Variants in DENND1B observed in about 807,000 individuals in gnomAD.
DENND1B encodes DENN domain containing 1B, also known as DENN domain-containing protein 1B.
A neutral mutation model predicts 90.1 loss-of-function variants in DENND1B; 59 were observed. The ratio of observed to expected loss-of-function variants is 0.65; its 90% CI spans 0.53 to 0.81. DENND1B has a LOEUF of 0.81. DENND1B is among the 40% of genes least tolerant of loss of function. The pLI is 0.00. For missense variants in DENND1B, 862 were observed against 912.6 expected, an observed-to-expected ratio of 0.94 and a Z score of 0.71; for synonymous variants, 337 against 324.6, an observed-to-expected ratio of 1.04 and a Z score of -0.41.
intron 2 of DENND1B, among the ~76,000 whole-genome samples, chr1:197,755,940 A>T (rs1654224368): frequency 6.6e-6 from 1 of 152,246 alleles, no homozygotes; most frequent in Non-Finnish European, 1.5e-5. Context: ...TTATGGGAGC[A>T]ACAAGATGAG....
intron 14 of DENND1B, among the ~76,000 whole-genome samples, chr1:197,584,250 G>A (rs1360456071): frequency 6.6e-6 from 1 of 152,128 alleles, no homozygotes; most frequent in Non-Finnish European, 1.5e-5. Context: ...ATAGGTTCCT[G>A]TATAAATAAA....
At chr1:197,566,244 T>C (rs903326494) in intron 15 of DENND1B, among the ~76,000 whole-genome samples, 2 of 152,200 alleles carry the variant, frequency 1.3e-5, no homozygotes, top group East Asian at 1.9e-4. Context: ...TGGCCAGTGA[T>C]GGTGAGCAAT....
intron 22 of DENND1B, among the ~76,000 whole-genome samples, chr1:197,511,214 C>T (rs1429467631): frequency 6.6e-6 from 1 of 151,660 alleles, no homozygotes; most frequent in Non-Finnish European, 1.5e-5. Context: ...ATAATTAATG[C>T]CAAGTTCTGA....
intron 2 of DENND1B, among the ~76,000 whole-genome samples, chr1:197,737,863 T>G (rs1236827396): frequency 6.6e-6 from 1 of 152,224 alleles, no homozygotes; most frequent in African/African-American, 2.4e-5. Context: ...CTGGTAGAAC[T>G]GTGTTTTCCA....
intron 9 of DENND1B, 30 bp from the exon 10 acceptor site, chr1:197,642,851 T>C: frequency 2.0e-6 from 3 of 1,518,926 alleles, no homozygotes; most frequent in Non-Finnish European, 2.7e-6. Flanking sequence ...TTGTGTAAGT[T>C]ACAGCTCATA....
Position 197,593,965 on chromosome 1 carries a change from C to T in DENND1B, c.1047+1243G>A, listed in dbSNP as rs928608137. Among the ~76,000 whole-genome samples, 7 of 151,988 alleles carry T rather than the reference C, an allele frequency of 4.6e-5. No individual in the cohort carries two copies. The East Asian group carries it at 1.2e-3, about 25-fold the overall frequency. On this transcript the variant is annotated intron_variant, in intron 14 of 22. Coordinates refer to ENST00000620048, the MANE Select transcript of DENND1B (RefSeq NM_001195215.2). ...GTTGAACAATTCAAATACGAATATG[C>T]CCTACTGTAGTATAGATTATTGGTT... is the stretch of plus-strand genomic sequence containing the variant.
Position 197,775,125 on chromosome 1 carries a change from G to GC in DENND1B, c.17+13dup, listed in dbSNP as rs559934138. The GC allele has an allele frequency of 1.5e-4, 192 of 1,281,268 alleles. No homozygotes were observed. In the East Asian group the frequency reaches 2.2e-3, roughly 14 times the overall value. 79.4% of individuals were successfully genotyped at this position (1,281,268 alleles called of 1,614,324 possible). ...GGACGCCCGCCCCCGACGCGCCCGG[G>GC]CCCCCCCACTCACTTGGTCCTGCAG... On this transcript the variant is annotated intron_variant, in intron 1 of 22. Transcript: ENST00000620048.
At chr1:197,575,713 A>G (rs146966584) in intron 15 of DENND1B, among the ~76,000 whole-genome samples, 2,664 of 152,324 alleles carry the variant, frequency 0.017, 76 homozygotes, top group African/African-American at 0.06. Flanking sequence ...CTGGATTAAG[A>G]AAATGTGGCA....
At chr1:197,553,393 G>C (rs1671418768) in intron 15 of DENND1B, among the ~76,000 whole-genome samples, 1 of 152,144 alleles carries the variant, frequency 6.6e-6, no homozygotes, top group Non-Finnish European at 1.5e-5. Flanking sequence ...GCAAAATGCA[G>C]TAGTAAAGAT....
intron 5 of DENND1B, among the ~76,000 whole-genome samples, chr1:197,665,730 G>A (rs768125752): frequency 7.2e-5 from 11 of 152,032 alleles, no homozygotes; most frequent in Admixed American, 1.3e-4. Context: ...AAGCTCAAGA[G>A]ACATTCATAA....
intron 2 of DENND1B, chr1:197,735,578 G>A: frequency 6.2e-7 from 1 of 1,613,960 alleles, no homozygotes; most frequent in South Asian, 1.1e-5. Context: ...AATTCTAAAG[G>A]GTATTACTCG....
At chr1:197,546,949 T>G (rs1319563167) in intron 16 of DENND1B, among the ~76,000 whole-genome samples, 176 bp from the exon 17 acceptor site, 1 of 152,194 alleles carries the variant, frequency 6.6e-6, no homozygotes, top group Non-Finnish European at 1.5e-5. Context: ...AATTCATAAA[T>G]AATTTAGTCA....
intron 1 of DENND1B, among the ~76,000 whole-genome samples, chr1:197,774,215 C>G (rs754106166): frequency 6.6e-6 from 1 of 152,168 alleles, no homozygotes; most frequent in Non-Finnish European, 1.5e-5. Context: ...TACATAATTT[C>G]CCTCTTTCCC....
chr1:197,686,392 C>G (rs1245091592), intron 3 of DENND1B, among the ~76,000 whole-genome samples: 1 of 152,002 alleles, frequency 6.6e-6, no homozygotes, highest in Non-Finnish European at 1.5e-5. Flanking sequence ...ATAGTTATTC[C>G]TTTCACTGAA....
intron 3 of DENND1B, among the ~76,000 whole-genome samples, chr1:197,704,230 T>A (rs761517668): frequency 2.0e-4 from 30 of 152,222 alleles, no homozygotes; most frequent in Non-Finnish European, 3.8e-4. Context: ...CACTCCAGCC[T>A]GTGCAACAGG....
intron 3 of DENND1B, among the ~76,000 whole-genome samples, chr1:197,677,206 CAT>C (rs1656171973): frequency 6.6e-6 from 1 of 152,224 alleles, no homozygotes; most frequent in Non-Finnish European, 1.5e-5. Context: ...TCTGAAATTG[CAT>C]AGTTTCTTCT....
chr1:197,626,891 T>C (rs1678797958), intron 10 of DENND1B, among the ~76,000 whole-genome samples: 3 of 152,066 alleles, frequency 2.0e-5, no homozygotes, highest in African/African-American at 7.2e-5. Flanking sequence ...CAAAGAATAC[T>C]ACAAACACCT....
chr1:197,589,205 T>C (rs1051869277), intron 14 of DENND1B, among the ~76,000 whole-genome samples: 2 of 152,092 alleles, frequency 1.3e-5, no homozygotes, highest in Non-Finnish European at 2.9e-5. Context: ...TCATAAAACA[T>C]ATCAGTGATA....
At chr1:197,540,840 G>C in intron 19 of DENND1B, 119 bp downstream of exon 19, 1 of 898,264 alleles carries the variant, frequency 1.1e-6, no homozygotes, top group South Asian at 1.8e-5. Context: ...ATACATTCTT[G>C]AACAAAGGGC....
Sources: allele counts gnomAD v4.1 joint callset (sites outside exome capture counted in the v4.1 genomes callset), GRCh38; gene constraint gnomAD v4.1.1; transcripts MANE v1.5; gene names NCBI Gene and HGNC (gene_info 2026-07-23, HGNC 2026-07-21).